LRRC2: variants seen among roughly 807,000 people sequenced by gnomAD.
LRRC2 encodes the protein leucine-rich repeat-containing protein 2.
Under a neutral mutation model 40.2 loss-of-function variants are expected in LRRC2, and 27 were observed. The observed-to-expected ratio is 0.67, with a 90% CI of 0.49 to 0.93. The LOEUF is 0.93. LRRC2 is among the 40% of genes least tolerant of loss of function. LRRC2 has a pLI of 0.00. For missense variants in LRRC2, 402 were observed against 439.6 expected, an observed-to-expected ratio of 0.91 and a Z score of 0.76; for synonymous variants, 147 against 158.9, an observed-to-expected ratio of 0.92 and a Z score of 0.56.
At chr3:46,525,086 C>CTTTT (rs11284933) in intron 7 of LRRC2, among the ~76,000 whole-genome samples, 1 of 117,572 alleles carries the variant, frequency 8.5e-6, no homozygotes, top group Non-Finnish European at 1.8e-5. Context: ...CTTTTTTTTT[C>CTTTT]TTTTTTTTTT....
intron 4 of LRRC2, among the ~76,000 whole-genome samples, chr3:46,533,827 C>G (rs1049354764): frequency 1.1e-5 from 1 of 89,334 alleles, no homozygotes; most frequent in Non-Finnish European, 2.4e-5. Flanking sequence ...TTTTCTTTCT[C>G]TCTCTGCCTG....
At chr3:46,535,034 A>G (rs1360160285) in intron 4 of LRRC2, among the ~76,000 whole-genome samples, 3 of 152,124 alleles carry the variant, frequency 2.0e-5, no homozygotes, top group Admixed American at 6.5e-5. Context: ...ATTTCTTTTC[A>G]TTTTGCCCCA....
At chr3:46,531,093 T>G (rs1331637998) in intron 5 of LRRC2, among the ~76,000 whole-genome samples, 3 of 151,570 alleles carry the variant, frequency 2.0e-5, no homozygotes, top group African/African-American at 4.8e-5. Flanking sequence ...GTAAAATATA[T>G]GAAGTAAAAA....
At chr3:46,524,809 T>C (rs1350976160) in intron 7 of LRRC2, among the ~76,000 whole-genome samples, 2 of 152,142 alleles carry the variant, frequency 1.3e-5, no homozygotes, top group Non-Finnish European at 2.9e-5. Context: ...ATACCATATA[T>C]TTGTGATATT....
intron 5 of LRRC2, among the ~76,000 whole-genome samples, chr3:46,530,410 T>A (rs1401865429): frequency 6.6e-6 from 1 of 152,064 alleles, no homozygotes; most frequent in African/African-American, 2.4e-5. Context: ...CAAAACCCCG[T>A]CTCTACTAAA....
rs1575367385 is a variant in LRRC2, at chr3:46,566,291, C to T, written c.-134G>A. On this transcript the variant is annotated 5_prime_UTR_variant, in exon 1 of 9. Coordinates refer to ENST00000395905, the MANE Select transcript of LRRC2 (RefSeq NM_024512.5). ...CACCCGCTGAGCAGCACGGCCGAGC[C>T]GGAAGAAGCCTCCCGTGCCTGTGCG... The T allele has an allele frequency of 1.3e-5, 2 of 151,362 alleles. No homozygotes were observed. Among genetic ancestry groups the T allele is most frequent in the Admixed American group, 1.3e-4 (2 of 15,166 alleles). The allele number at this position is 151,362 out of a possible 1,614,324, so 9.4% of individuals were successfully genotyped here.
At chr3:46,563,326 C>T (rs1323040908) in intron 1 of LRRC2, among the ~76,000 whole-genome samples, 1 of 152,148 alleles carries the variant, frequency 6.6e-6, no homozygotes, top group Non-Finnish European at 1.5e-5. Context: ...CCAAGGCCTG[C>T]CTTTGAAATG....
At chr3:46,544,539 A>G (rs1704483134) in intron 3 of LRRC2, among the ~76,000 whole-genome samples, 1 of 152,196 alleles carries the variant, frequency 6.6e-6, no homozygotes, top group African/African-American at 2.4e-5. Flanking sequence ...GTCCCAGGGA[A>G]CCCTGTCCCG....
intron 4 of LRRC2, among the ~76,000 whole-genome samples, chr3:46,533,734 CTTCCTTCCTTCCTTCT>C (rs1342300275): frequency 3.4e-5 from 5 of 146,584 alleles, no homozygotes; most frequent in South Asian, 2.3e-4. Context: ...TCCTTCCTTC[CTTCCTTCCTTCCTTCT>C]TCCTTCCCTC....
chr3:46,519,922 A>G (rs191915262), intron 8 of LRRC2, among the ~76,000 whole-genome samples: 9 of 152,328 alleles, frequency 5.9e-5, no homozygotes, highest in African/African-American at 9.6e-5. Context: ...ATCTAGGTCG[A>G]AACATTAAAA....
At chr3:46,524,137 G>A (rs1398447724) in intron 7 of LRRC2, among the ~76,000 whole-genome samples, 1 of 152,138 alleles carries the variant, frequency 6.6e-6, no homozygotes, top group East Asian at 1.9e-4. Flanking sequence ...ACAACCATCT[G>A]GTAAGGCTTG....
intron 4 of LRRC2, among the ~76,000 whole-genome samples, chr3:46,536,142 T>C (rs1426337993): frequency 6.6e-6 from 1 of 152,202 alleles, no homozygotes; most frequent in Non-Finnish European, 1.5e-5. Flanking sequence ...TGTTTATAAA[T>C]AGACAGCTAC....
At chr3:46,558,209 C>G (rs1233920931) in intron 1 of LRRC2, 1 of 152,268 alleles carries the variant, frequency 6.6e-6, no homozygotes, top group Non-Finnish European at 1.5e-5. Context: ...TACTACCTTG[C>G]CCCTCCAGTG....
At chr3:46,525,963 T>C (rs1224147947) in intron 7 of LRRC2, among the ~76,000 whole-genome samples, 4 of 152,106 alleles carry the variant, frequency 2.6e-5, no homozygotes, top group Non-Finnish European at 5.9e-5. Flanking sequence ...TTTCTTTTTT[T>C]TTCTTTTTTT....
chr3:46,555,643 G>A (rs1036662228), intron 1 of LRRC2, among the ~76,000 whole-genome samples: 1 of 151,992 alleles, frequency 6.6e-6, no homozygotes, highest in Non-Finnish European at 1.5e-5. Flanking sequence ...CACCATATAG[G>A]TCCTCCTACA....
intron 1 of LRRC2, chr3:46,558,331 A>G (rs1369690147): frequency 1.3e-5 from 2 of 152,258 alleles, no homozygotes; most frequent in Non-Finnish European, 2.9e-5. Flanking sequence ...AAAGCTGAGA[A>G]GCAGTAAGTT....
Position 46,539,062 on chromosome 3 carries a change from T to C in LRRC2, c.473A>G (p.His158Arg), listed in dbSNP as rs1233977241. 5.0e-6 allele frequency: 8 copies of C among 1,613,848 alleles called. No homozygotes were observed. Among genetic ancestry groups the C allele is most frequent in the Middle Eastern group, 1.7e-4 (1 of 6,058 alleles). Residue 158 changes from histidine (H) to arginine (R), a missense_variant, in exon 4 of 9, where the codon CAT (histidine) becomes CGT (arginine). By Grantham distance (29) the His-to-Arg change is conservative. Transcript: ENST00000395905. ...ILDLPKNQIS[H>R]LPAEIGCLKN... ...TGACATACCGATTTCTGCTGGAAGA[T>C]GTGAGATTTGGTTTTTTGGCAGATC... is the stretch of plus-strand genomic sequence containing the variant.
intron 5 of LRRC2, among the ~76,000 whole-genome samples, chr3:46,531,950 T>A (rs1369190848): frequency 6.6e-6 from 1 of 152,200 alleles, no homozygotes; most frequent in Non-Finnish European, 1.5e-5. Flanking sequence ...GCATTAAAAA[T>A]TGTTCACTTT....
intron 6 of LRRC2, among the ~76,000 whole-genome samples, chr3:46,528,661 G>A (rs188262482): frequency 6.6e-6 from 1 of 152,184 alleles, no homozygotes; most frequent in East Asian, 1.9e-4. Context: ...AAGTTCCCAT[G>A]TTGCAAACTA....
Sources: gnomAD v4.1 joint callset for allele counts (sites outside exome capture counted in the v4.1 genomes callset) on GRCh38, gnomAD v4.1.1 for gene constraint, MANE v1.5 for transcripts, NCBI Gene and HGNC (gene_info 2026-07-23, HGNC 2026-07-21) for gene names.